FARSB: variants seen among roughly 807,000 people sequenced by gnomAD.
FARSB encodes the protein phenylalanyl-tRNA synthetase subunit beta, also known as phenylalanine--tRNA ligase beta subunit.
A neutral mutation model predicts 69.6 loss-of-function variants in FARSB; 40 were observed. The observed-to-expected ratio is 0.57, with a 90% CI of 0.45 to 0.75. The LOEUF (loss-of-function observed/expected upper bound fraction) is 0.75, where lower values mean the gene tolerates loss of function less well. Ranked by LOEUF, FARSB falls within the 30% of genes least tolerant of loss-of-function variation. The probability of loss-of-function intolerance (pLI) is 0.00; values close to 1 mark genes in which losing one functional copy is unlikely to be tolerated. For synonymous variants in FARSB, 235 were observed against 247.2 expected (o/e 0.95, Z 0.46); for missense variants, 632 against 722.9 (o/e 0.87, Z 1.44).
intron 16 of FARSB, among the ~76,000 whole-genome samples, chr2:222,580,239 TTA>T (rs1689933002): frequency 6.6e-6 from 1 of 152,100 alleles, no homozygotes; most frequent in East Asian, 1.9e-4. Context: ...TCCACTATAT[TTA>T]TATGTCATAG....
intron 5 of FARSB, among the ~76,000 whole-genome samples, chr2:222,637,844 G>A (rs2106233962): frequency 6.6e-6 from 1 of 152,140 alleles, no homozygotes; most frequent in South Asian, 2.1e-4. Flanking sequence ...TTAGCCAGGT[G>A]TGGTGACTCA....
chr2:222,576,386 G>C (rs1002809932), intron 16 of FARSB, among the ~76,000 whole-genome samples: 3 of 150,106 alleles, frequency 2.0e-5, no homozygotes, highest in Non-Finnish European at 4.4e-5. Context: ...AAATATAAAG[G>C]GGGGGGCAGG....
chr2:222,654,043 T>G lies in FARSB; in HGVS notation c.58+1973A>C, dbSNP rs1692108817. On this transcript the variant is annotated intron_variant, in intron 1 of 16. Transcript: ENST00000281828. Reference sequence around the variant, plus strand: ...TGTTAAAACATCAGATGATAGTAAATAGGTTATAAATCTCACCATTTTTAA... The same window carrying G: ...TGTTAAAACATCAGATGATAGTAAAGAGGTTATAAATCTCACCATTTTTAA... 3.3e-5 allele frequency among the ~76,000 whole-genome samples: 5 copies of G among 152,162 alleles called. No homozygotes were observed. In the South Asian group the frequency reaches 1.0e-3, roughly 31 times the overall value.
intron 16 of FARSB, among the ~76,000 whole-genome samples, chr2:222,582,110 A>G (rs1051738806): frequency 5.9e-5 from 9 of 152,240 alleles, no homozygotes; most frequent in Non-Finnish European, 1.3e-4. Context: ...ACCAAATAAC[A>G]TATGCACAAG....
chr2:222,576,788 G>A (rs891416297), intron 16 of FARSB, among the ~76,000 whole-genome samples: 4 of 152,138 alleles, frequency 2.6e-5, no homozygotes, highest in Non-Finnish European at 4.4e-5. Flanking sequence ...ACTTCCTCCT[G>A]GTTTCCCACT....
rs1689713122 is a variant in FARSB at position 222,571,393 on chromosome 2, GTTAT to G, written c.*474_*477del. On this transcript the variant is annotated 3_prime_UTR_variant, in exon 17 of 17. Coordinates refer to ENST00000281828, the MANE Select transcript of FARSB (RefSeq NM_005687.5). The stretch of plus-strand genomic sequence containing the variant: ...TTCTTAAACGTTTTCTAAAAATATT[GTTAT>G]TTTAGTGTTTCTCAATGATGAATAC... The G allele has an allele frequency of 6.6e-6, 1 of 152,192 alleles. No homozygotes were observed. The highest frequency in any genetic ancestry group is 6.5e-5 in the Admixed American group (1 of 15,272). The allele number at this position is 152,192 out of a possible 1,614,324, so 9.4% of individuals were successfully genotyped here.
chr2:222,599,892 C>T, intron 16 of FARSB, 36 bp downstream of exon 16: 1 of 1,502,250 alleles, frequency 6.7e-7, no homozygotes, highest in East Asian at 2.5e-5. Flanking sequence ...CTTCCTGACA[C>T]TGTCACTAAC....
At chr2:222,578,172 T>C (rs563544416) in intron 16 of FARSB, among the ~76,000 whole-genome samples, 11 of 152,342 alleles carry the variant, frequency 7.2e-5, no homozygotes, top group African/African-American at 2.4e-4. Context: ...ATTTCTTCAA[T>C]ATGTATAGAA....
chr2:222,584,565 AG>A (rs1690058050), intron 16 of FARSB, among the ~76,000 whole-genome samples: 1 of 152,218 alleles, frequency 6.6e-6, no homozygotes, highest in South Asian at 2.1e-4. Context: ...AGTAAGCACA[AG>A]GGGTCGGGGA....
chr2:222,651,995 TG>T lies in FARSB; in HGVS notation c.59-3201del, dbSNP rs1341577220. On this transcript the variant is annotated intron_variant, in intron 1 of 16. Transcript: ENST00000281828. ...AACATTTGCCACTTGATTCCAGAAT[TG>T]CCATGGACCAATGACTCCTTTGTGT... Among the ~76,000 whole-genome samples, 34 of 152,290 alleles carry T rather than the reference TG, an allele frequency of 2.2e-4. 1 individual carries two copies. Among genetic ancestry groups the T allele is most frequent in the Middle Eastern group, 6.8e-3 (2 of 294 alleles).
Position 222,613,802 on chromosome 2 carries a change from T to A in FARSB, c.1462+9A>T. The A allele has an allele frequency of 6.9e-7, 1 of 1,444,856 alleles. No individual in the cohort carries two copies. The highest frequency in any genetic ancestry group is 1.2e-5 in the South Asian group (1 of 86,734). The allele number at this position is 1,444,856 out of a possible 1,614,324, so 89.5% of individuals were successfully genotyped here. A position where few individuals can be genotyped will look rare whatever the true frequency, so the allele number is the denominator to read the frequency against. ...TACACAAATCAAATCAAAGGTGACT[T>A]ATTCTTACCTGTATTAGAATCTTTT... is the stretch of plus-strand genomic sequence containing the variant. On this transcript the variant is annotated intron_variant, in intron 15 of 16. Coordinates refer to ENST00000281828, the MANE Select transcript of FARSB (RefSeq NM_005687.5).
chr2:222,595,585 G>A (rs942902516), intron 16 of FARSB, among the ~76,000 whole-genome samples: 1 of 152,140 alleles, frequency 6.6e-6, no homozygotes, highest in Admixed American at 6.5e-5. Context: ...TAAACCTTTT[G>A]TCTCTCCAAC....
At chr2:222,614,400 A>C (rs1438357244) in intron 14 of FARSB, among the ~76,000 whole-genome samples, 1 of 152,224 alleles carries the variant, frequency 6.6e-6, no homozygotes, top group Non-Finnish European at 1.5e-5. Context: ...CTGGAACTAC[A>C]GGTACACACC....
chr2:222,599,843 A>C, intron 16 of FARSB, 85 bp downstream of exon 16: 2 of 1,134,982 alleles, frequency 1.8e-6, no homozygotes, highest in Non-Finnish European at 2.5e-6. Context: ...AAAATCCCAA[A>C]TCAAAACTAC....
intron 16 of FARSB, among the ~76,000 whole-genome samples, chr2:222,580,321 T>C (rs1689935006): frequency 6.6e-6 from 1 of 152,046 alleles, no homozygotes; most frequent in South Asian, 2.1e-4. Context: ...TAAATAAGGC[T>C]TCTGTAAGCA....
At chr2:222,610,480 T>C (rs1335184477) in intron 15 of FARSB, among the ~76,000 whole-genome samples, 1 of 145,822 alleles carries the variant, frequency 6.9e-6, no homozygotes, top group Admixed American at 6.9e-5. Context: ...GTTTTAGTTT[T>C]CTTATTCTAA....
At chr2:222,586,712 G>C (rs1203044167) in intron 16 of FARSB, among the ~76,000 whole-genome samples, 1 of 152,166 alleles carries the variant, frequency 6.6e-6, no homozygotes, top group Non-Finnish European at 1.5e-5. Flanking sequence ...TGCAATCCTA[G>C]TCTCTGATAA....
At chr2:222,600,228 A>G in intron 15 of FARSB, 145 bp from the exon 16 acceptor site, 1 of 599,024 alleles carries the variant, frequency 1.7e-6, no homozygotes, top group Non-Finnish European at 2.7e-6. Context: ...CACAAATGCA[A>G]AATAAGATAA....
chr2:222,584,377 G>A (rs1321812625), intron 16 of FARSB, among the ~76,000 whole-genome samples: 2 of 152,218 alleles, frequency 1.3e-5, no homozygotes, highest in African/African-American at 2.4e-5. Context: ...TGAATTTGGG[G>A]TCCAAGATAA....
Sources: allele counts gnomAD v4.1 joint callset (sites outside exome capture counted in the v4.1 genomes callset), GRCh38; gene constraint gnomAD v4.1.1; transcripts MANE v1.5; gene names NCBI Gene and HGNC (gene_info 2026-07-23, HGNC 2026-07-21).